The following ARMC9 variants were observed in gnomAD, a reference collection of about 807,000 sequenced individuals.
ARMC9 encodes the protein armadillo repeat containing 9, also known as lisH domain-containing protein ARMC9.
Under a neutral mutation model 107.0 loss-of-function variants are expected in ARMC9, and 94 were observed. That is an observed-to-expected ratio of 0.88 (90% CI 0.74 to 1.04). The LOEUF is 1.04. Among genes scored for constraint, ARMC9 ranks in the 50% least tolerant of loss-of-function variants. ARMC9 has a pLI of 0.00. For missense variants in ARMC9, 942 were observed against 1,030.1 expected (o/e 0.91, Z 1.17); for synonymous variants, 380 against 396.9 (o/e 0.96, Z 0.51).
At chr2:231,301,901 C>T (rs969812273) in intron 19 of ARMC9, among the ~76,000 whole-genome samples, 6 of 152,078 alleles carry the variant, frequency 3.9e-5, no homozygotes, top group African/African-American at 1.2e-4. Flanking sequence ...ATCATTTGAA[C>T]CCGGGAGGTG....
chr2:231,276,805 A>G, intron 15 of ARMC9, 30 bp downstream of exon 15: 2 of 1,611,266 alleles, frequency 1.2e-6, no homozygotes, highest in South Asian at 2.2e-5. Context: ...TTCTAGTGCA[A>G]GAAGGGGAAG....
Position 231,254,290 on chromosome 2 carries a change from A to T in ARMC9, c.880-2296A>T, listed in dbSNP as rs150668851. On this transcript the variant is annotated intron_variant, in intron 9 of 24. Coordinates refer to ENST00000611582, the MANE Select transcript of ARMC9 (RefSeq NM_001352754.2). ...GGTATCACATAAGGCATGAAGGCAA[A>T]GTCAAAAAGCAGGTAATGTCTATGA... Among the ~76,000 whole-genome samples, 510 of 152,336 alleles carry T rather than the reference A, an allele frequency of 3.3e-3. 6 individuals carry two copies. Among genetic ancestry groups the T allele is most frequent in the African/African-American group, 0.012 (489 of 41,574 alleles).
At chr2:231,304,371 G>C (rs896987592) in intron 19 of ARMC9, among the ~76,000 whole-genome samples, 1 of 152,108 alleles carries the variant, frequency 6.6e-6, no homozygotes, top group South Asian at 2.1e-4. Context: ...GAAAATATTG[G>C]CTTACCAAGT....
At chr2:231,219,669 A>G (rs1254427901) in intron 5 of ARMC9, among the ~76,000 whole-genome samples, 1 of 152,144 alleles carries the variant, frequency 6.6e-6, no homozygotes, top group Non-Finnish European at 1.5e-5. Flanking sequence ...GTGTCTTTCA[A>G]CAACTCTGAA....
chr2:231,247,181 T>C (rs775239316), intron 9 of ARMC9, among the ~76,000 whole-genome samples: 1 of 152,224 alleles, frequency 6.6e-6, no homozygotes, highest in African/African-American at 2.4e-5. Flanking sequence ...GGTCTCGATC[T>C]CTTGACCTCG....
At chr2:231,198,945 A>G (rs2030225547) in intron 1 of ARMC9, 2 of 152,258 alleles carry the variant, frequency 1.3e-5, no homozygotes, top group Admixed American at 1.3e-4. Context: ...GCTTCCCGCA[A>G]GTAGTCCCTG....
chr2:231,290,061 G>A (rs2040880317), intron 17 of ARMC9, among the ~76,000 whole-genome samples: 1 of 152,174 alleles, frequency 6.6e-6, no homozygotes, highest in Non-Finnish European at 1.5e-5. Flanking sequence ...CTTACATGGG[G>A]GAGTTTAGTA....
intron 19 of ARMC9, among the ~76,000 whole-genome samples, chr2:231,320,861 G>A (rs1388249852): frequency 6.6e-6 from 1 of 152,164 alleles, no homozygotes; most frequent in Non-Finnish European, 1.5e-5. Context: ...GAACAGGTGG[G>A]GCCAAGCATG....
intron 9 of ARMC9, among the ~76,000 whole-genome samples, chr2:231,251,276 C>T (rs1157267083): frequency 6.6e-6 from 1 of 152,092 alleles, no homozygotes; most frequent in Non-Finnish European, 1.5e-5. Context: ...AAGCGATTCT[C>T]CTGCCTCGGC....
chr2:231,226,820 T>G, intron 7 of ARMC9, 22 bp downstream of exon 7: 1 of 1,610,678 alleles, frequency 6.2e-7, no homozygotes, highest in East Asian at 2.2e-5. Context: ...AGATTTAAAT[T>G]TGTCTAAGAA....
chr2:231,210,674 A>G (rs1189731397), intron 3 of ARMC9, among the ~76,000 whole-genome samples: 1 of 152,210 alleles, frequency 6.6e-6, no homozygotes, highest in East Asian at 1.9e-4. Context: ...GCTGCTGTAC[A>G]CTTTCCGCAA....
intron 23 of ARMC9, 147 bp from the exon 24 acceptor site, chr2:231,369,806 C>A: frequency 2.3e-6 from 2 of 868,670 alleles, no homozygotes; most frequent in Non-Finnish European, 3.1e-6. Flanking sequence ...GTTGGCCAGG[C>A]TGGTCTCTAA....
In ARMC9 at chr2:231,321,419, C is replaced by T. The variant is rs115422371; in HGVS notation, c.1774-10374C>T. Among the ~76,000 whole-genome samples the T allele has an allele frequency of 3.0e-3, 461 of 152,336 alleles. 2 individuals are homozygous for T. The highest frequency in any genetic ancestry group is 5.5e-3 in the Non-Finnish European group (371 of 68,038). On this transcript the variant is annotated intron_variant, in intron 19 of 24. Transcript: ENST00000611582. Reference sequence around the variant, plus strand: ...TCCCAGGCCACACTTTGGGTAGCAGCAGCCTGGGAGTTTTTCCTGAGGTTT... The same window carrying T: ...TCCCAGGCCACACTTTGGGTAGCAGTAGCCTGGGAGTTTTTCCTGAGGTTT...
intron 23 of ARMC9, among the ~76,000 whole-genome samples, chr2:231,368,294 G>A (rs890446551): frequency 1.3e-5 from 2 of 152,108 alleles, no homozygotes; most frequent in African/African-American, 2.4e-5. Flanking sequence ...ATAGCCCCGC[G>A]TATCTGTGAA....
At chr2:231,259,402 C>T (rs1288490315) in intron 11 of ARMC9, among the ~76,000 whole-genome samples, 2 of 152,126 alleles carry the variant, frequency 1.3e-5, no homozygotes, top group Non-Finnish European at 2.9e-5. Context: ...TGTGTGAGTG[C>T]GTGGAGTCAG....
chr2:231,240,204 A>G, intron 9 of ARMC9, 163 bp downstream of exon 9: 1 of 687,486 alleles, frequency 1.5e-6, no homozygotes. Flanking sequence ...CTGTTTTTGA[A>G]GAGGGTACAG....
intron 8 of ARMC9, among the ~76,000 whole-genome samples, chr2:231,237,777 ATATATTTTTTTTTTTTTTTTTTTTT>A (rs1400460771): frequency 5.6e-5 from 2 of 35,484 alleles, no homozygotes; most frequent in African/African-American, 1.8e-4. Flanking sequence ...ATATATATAT[ATATATTTTTTTTTTTTTTTTTTTTT>A]TTTTTTTTTT....
chr2:231,355,383 C>T (rs2045297197), intron 21 of ARMC9, among the ~76,000 whole-genome samples: 2 of 152,216 alleles, frequency 1.3e-5, no homozygotes, highest in Admixed American at 1.3e-4. Context: ...TCTTGGCCAA[C>T]ACTTGCCACG....
intron 19 of ARMC9, among the ~76,000 whole-genome samples, chr2:231,325,736 G>A (rs16827932): frequency 0.01 from 1,564 of 152,278 alleles, 23 homozygotes; most frequent in African/African-American, 0.036. Context: ...CTAAGCCAAG[G>A]CAACAACCTC....
Sources: gnomAD v4.1 joint callset for allele counts (sites outside exome capture counted in the v4.1 genomes callset) on GRCh38, gnomAD v4.1.1 for gene constraint, MANE v1.5 for transcripts, NCBI Gene and HGNC (gene_info 2026-07-23, HGNC 2026-07-21) for gene names.